Variants in DLC1 observed in about 807,000 individuals in gnomAD.
DLC1 encodes rho GTPase-activating protein 7.
In DLC1, 54 loss-of-function variants were observed where a neutral mutation model predicts 140.3. That is an observed-to-expected ratio of 0.38 (90% CI 0.31 to 0.48). The LOEUF is 0.48. DLC1 is among the 20% of genes least tolerant of loss of function. The pLI, the probability that DLC1 is intolerant of heterozygous loss-of-function variation, is 0.96. For missense variants in DLC1, 2,536 were observed against 1,907.0 expected (o/e 1.33, Z -6.14); for synonymous variants, 986 against 728.1 (o/e 1.35, Z -5.70).
At position 13,083,502 on chromosome 8, in the gene DLC1, G is replaced by C. The variant is rs1012257001; in HGVS notation, c.*2309C>G. 2.0e-5 allele frequency: 3 copies of C among 152,178 alleles called. No homozygotes were observed. The highest frequency in any genetic ancestry group is 6.6e-5 in the Admixed American group (1 of 15,264). The allele number at this position is 152,178 out of a possible 1,614,324, so 9.4% of individuals were successfully genotyped here. A position where few individuals can be genotyped will look rare whatever the true frequency, so the allele number is the denominator to read the frequency against. On this transcript the variant is annotated 3_prime_UTR_variant, in exon 18 of 18. Coordinates refer to ENST00000276297, the MANE Select transcript of DLC1 (RefSeq NM_182643.3). The stretch of plus-strand genomic sequence containing the variant: ...TCTAGGCAATTAGTCACACAAATAA[G>C]TTGTGATGGCGCTCTAAGTGACCTC...
intron 5 of DLC1, among the ~76,000 whole-genome samples, chr8:13,269,573 C>T (rs895781813): frequency 1.3e-5 from 2 of 151,648 alleles, no homozygotes; most frequent in Non-Finnish European, 2.9e-5. Flanking sequence ...AAATTAGCCA[C>T]AACCCTATAG....
At chr8:13,440,564 A>C (rs1798460999) in intron 2 of DLC1, among the ~76,000 whole-genome samples, 1 of 152,034 alleles carries the variant, frequency 6.6e-6, no homozygotes, top group Admixed American at 6.6e-5. Context: ...GAAACATCCA[A>C]TTCTCTTTCT....
intron 2 of DLC1, among the ~76,000 whole-genome samples, chr8:13,498,369 G>A (rs1563399016): frequency 1.3e-5 from 2 of 152,140 alleles, no homozygotes; most frequent in African/African-American, 2.4e-5. Context: ...GCTTCGCAGG[G>A]GAGGATGGCA....
intron 4 of DLC1, among the ~76,000 whole-genome samples, chr8:13,313,732 C>T (rs1216345699): frequency 6.6e-6 from 1 of 152,120 alleles, no homozygotes; most frequent in Non-Finnish European, 1.5e-5. Context: ...GTTTATTTCT[C>T]CTTTATTTAT....
In DLC1 at chr8:13,198,060, C is replaced by T. The variant is rs181043081; in HGVS notation, c.1349-82403G>A. On this transcript the variant is annotated intron_variant, in intron 5 of 17. Coordinates refer to ENST00000276297, the MANE Select transcript of DLC1 (RefSeq NM_182643.3). ...CTAGGAGCTCAAAGTTGCTCAGTCCCGGCAACAGAATGAAACCCTGTCTCA... is the reference window on the plus strand; with the variant it reads ...CTAGGAGCTCAAAGTTGCTCAGTCCTGGCAACAGAATGAAACCCTGTCTCA... Among the ~76,000 whole-genome samples, 197 of 150,924 alleles carry T rather than the reference C, an allele frequency of 1.3e-3. 1 individual carries two copies. The highest frequency in any genetic ancestry group is 4.5e-3 in the African/African-American group (183 of 41,018).
intron 5 of DLC1, among the ~76,000 whole-genome samples, chr8:13,185,324 T>TTTTTTTTTTTTA (rs57580943): frequency 7.3e-6 from 1 of 136,242 alleles, no homozygotes; most frequent in Non-Finnish European, 1.6e-5. Context: ...TTGTTTGTTT[T>TTTTTTTTTTTTA]TGAGATGGAG....
intron 5 of DLC1, among the ~76,000 whole-genome samples, chr8:13,183,068 T>G (rs1826134070): frequency 6.6e-6 from 1 of 152,212 alleles, no homozygotes; most frequent in African/African-American, 2.4e-5. Flanking sequence ...GGTATTATAC[T>G]CTCTTTGTAG....
intron 5 of DLC1, among the ~76,000 whole-genome samples, chr8:13,256,631 C>G (rs1181484108): frequency 6.6e-6 from 1 of 152,008 alleles, no homozygotes; most frequent in Non-Finnish European, 1.5e-5. Context: ...GAACAGAAAA[C>G]CAAACACTGC....
intron 5 of DLC1, among the ~76,000 whole-genome samples, chr8:13,179,045 GATAA>G (rs1226160737): frequency 2.6e-5 from 4 of 152,124 alleles, no homozygotes; most frequent in African/African-American, 4.8e-5. Context: ...CAATAGAACA[GATAA>G]ATAAATTGTA....
At position 13,421,035 on chromosome 8, in the gene DLC1, C is replaced by T. The variant is rs576591711; in HGVS notation, c.1024-19416G>A. 3.3e-5 allele frequency among the ~76,000 whole-genome samples: 5 copies of T among 152,156 alleles called. No individual in the cohort carries two copies. The South Asian group carries it at 8.3e-4, about 25-fold the overall frequency. ...CTCTCCGGTATGGACTGATAACTGC[C>T]CATACTTCTGATTAAAAAGTTAAGG... On this transcript the variant is annotated intron_variant, in intron 2 of 17. Coordinates refer to ENST00000276297, the MANE Select transcript of DLC1 (RefSeq NM_182643.3).
At chr8:13,481,059 T>A (rs1021704177) in intron 2 of DLC1, among the ~76,000 whole-genome samples, 6 of 152,120 alleles carry the variant, frequency 3.9e-5, no homozygotes, top group African/African-American at 1.4e-4. Context: ...GAAATGAGTA[T>A]GAGAGATCAT....
chr8:13,393,309 A>G (rs1836852026), intron 4 of DLC1, among the ~76,000 whole-genome samples: 1 of 152,212 alleles, frequency 6.6e-6, no homozygotes, highest in Non-Finnish European at 1.5e-5. Context: ...CGGCAATGAA[A>G]TTTAATTAGC....
At chr8:13,134,396 T>C (rs148228761) in intron 5 of DLC1, among the ~76,000 whole-genome samples, 2 of 152,202 alleles carry the variant, frequency 1.3e-5, no homozygotes, top group South Asian at 2.1e-4. Flanking sequence ...AAGAGACAAA[T>C]ATCCCTTCCC....
At chr8:13,424,439 A>G (rs1838460963) in intron 2 of DLC1, among the ~76,000 whole-genome samples, 1 of 152,138 alleles carries the variant, frequency 6.6e-6, no homozygotes. Flanking sequence ...CAGTGAGCAG[A>G]GATCACGCCA....
At chr8:13,474,057 G>C (rs565445661) in intron 2 of DLC1, among the ~76,000 whole-genome samples, 8 of 152,330 alleles carry the variant, frequency 5.3e-5, no homozygotes, top group African/African-American at 1.4e-4. Context: ...AATGTCTCCA[G>C]GGCATGTCAC....
rs188657969 is a variant in DLC1, at chr8:13,381,864, C to T, written c.1314+11689G>A. ...AGATGGCTGGGATGGATTTTTAGGG[C>T]ACCATAACAAAAAAACTAAAAACTG... is the stretch of plus-strand genomic sequence containing the variant. On this transcript the variant is annotated intron_variant, in intron 4 of 17. Transcript: ENST00000276297. 4.7e-4 allele frequency among the ~76,000 whole-genome samples: 72 copies of T among 152,116 alleles called. 1 individual carries two copies. Among genetic ancestry groups the T allele is most frequent in the Admixed American group, 2.6e-4 (4 of 15,286 alleles).
At chr8:13,256,384 G>A (rs1219325071) in intron 5 of DLC1, among the ~76,000 whole-genome samples, 1 of 152,134 alleles carries the variant, frequency 6.6e-6, no homozygotes, top group East Asian at 1.9e-4. Flanking sequence ...TATACCCAAA[G>A]GATTATAAAT....
At chr8:13,157,226 GAAAT>G in intron 5 of DLC1, among the ~76,000 whole-genome samples, 1 of 152,250 alleles carries the variant, frequency 6.6e-6, no homozygotes, top group South Asian at 2.1e-4. Flanking sequence ...AAACAAGTCT[GAAAT>G]ACTCTATGAC....
chr8:13,420,666 T>C (rs572621469), intron 2 of DLC1, among the ~76,000 whole-genome samples: 1 of 152,304 alleles, frequency 6.6e-6, no homozygotes, highest in East Asian at 1.9e-4. Flanking sequence ...TTTGGTTTTC[T>C]GTTCCTGAGT....
Sources: gnomAD v4.1 joint callset for allele counts (sites outside exome capture counted in the v4.1 genomes callset) on GRCh38, gnomAD v4.1.1 for gene constraint, MANE v1.5 for transcripts, NCBI Gene and HGNC (gene_info 2026-07-23, HGNC 2026-07-21) for gene names.